Variants in XKR4 observed in about 807,000 individuals in gnomAD.
XKR4 encodes XK-related protein 4.
A neutral mutation model predicts 53.9 loss-of-function variants in XKR4; 12 were observed. The ratio of observed to expected loss-of-function variants is 0.22; its 90% CI spans 0.14 to 0.36. The LOEUF is 0.36. XKR4 is among the 10% of genes least tolerant of loss of function. XKR4 has a pLI of 1.00. For missense variants in XKR4, 799 were observed against 859.5 expected, an observed-to-expected ratio of 0.93 and a Z score of 0.88; for synonymous variants, 354 against 362.4, an observed-to-expected ratio of 0.98 and a Z score of 0.26.
At chr8:55,331,339 T>G (rs1803381826) in intron 1 of XKR4, among the ~76,000 whole-genome samples, 1 of 152,230 alleles carries the variant, frequency 6.6e-6, no homozygotes, top group South Asian at 2.1e-4. Context: ...TTCAGTCCTT[T>G]TAAATTTATT....
At chr8:55,500,802 A>T (rs1409561278) in intron 2 of XKR4, among the ~76,000 whole-genome samples, 2 of 152,210 alleles carry the variant, frequency 1.3e-5, no homozygotes, top group Non-Finnish European at 2.9e-5. Flanking sequence ...CCTATTCCAC[A>T]AATGAGAATG....
chr8:55,293,410 T>TA (rs1819059455), intron 1 of XKR4, among the ~76,000 whole-genome samples: 1 of 152,248 alleles, frequency 6.6e-6, no homozygotes, highest in Non-Finnish European at 1.5e-5. Flanking sequence ...TGCGAAATTA[T>TA]AAATGTTCAG....
At chr8:55,216,613 G>T (rs1817802918) in intron 1 of XKR4, among the ~76,000 whole-genome samples, 1 of 151,906 alleles carries the variant, frequency 6.6e-6, no homozygotes, top group African/African-American at 2.4e-5. Context: ...TGTAATCCCA[G>T]CTACTCGGGA....
chr8:55,351,931 A>T (rs949514548), intron 1 of XKR4, among the ~76,000 whole-genome samples: 2 of 152,212 alleles, frequency 1.3e-5, no homozygotes, highest in African/African-American at 4.8e-5. Context: ...CAAATATTGC[A>T]TGTGTTCAAT....
intron 1 of XKR4, among the ~76,000 whole-genome samples, chr8:55,169,317 A>T (rs1404636907): frequency 6.6e-6 from 1 of 152,238 alleles, no homozygotes; most frequent in Non-Finnish European, 1.5e-5. Context: ...TTGCCACTGA[A>T]CGCTGCAGGG....
At chr8:55,194,946 T>C (rs1186606632) in intron 1 of XKR4, among the ~76,000 whole-genome samples, 1 of 152,194 alleles carries the variant, frequency 6.6e-6, no homozygotes, top group African/African-American at 2.4e-5. Context: ...AAAAATTATA[T>C]TCCATGATAG....
rs181147831 is a variant in XKR4, at chr8:55,480,973, A to C, written c.1007-42308A>C. Among the ~76,000 whole-genome samples the C allele has an allele frequency of 9.1e-3, 1,380 of 152,218 alleles. 25 individuals carry two copies. The highest frequency in any genetic ancestry group is 0.03 in the African/African-American group (1,263 of 41,532). ...CATATCATGAAAATGGACATACTGCACAAGGTAATTTATAGATTCAATGCC... is the reference window on the plus strand; with the variant it reads ...CATATCATGAAAATGGACATACTGCCCAAGGTAATTTATAGATTCAATGCC... On this transcript the variant is annotated intron_variant, in intron 2 of 2. Transcript: ENST00000327381.
At chr8:55,445,842 T>C (rs1389163571) in intron 2 of XKR4, among the ~76,000 whole-genome samples, 1 of 152,208 alleles carries the variant, frequency 6.6e-6, no homozygotes, top group Non-Finnish European at 1.5e-5. Context: ...TCAGGCATTG[T>C]TATTCATGTA....
intron 2 of XKR4, among the ~76,000 whole-genome samples, chr8:55,464,922 C>T (rs1805733817): frequency 6.6e-6 from 1 of 152,102 alleles, no homozygotes; most frequent in Non-Finnish European, 1.5e-5. Flanking sequence ...AGGAATCCAA[C>T]TTACAAGGGA....
chr8:55,353,416 G>A (rs1341565740), intron 1 of XKR4, among the ~76,000 whole-genome samples: 1 of 152,184 alleles, frequency 6.6e-6, no homozygotes, highest in Non-Finnish European at 1.5e-5. Flanking sequence ...TCTACAAGCT[G>A]AGGAATGCCA....
At chr8:55,489,958 C>T (rs1459161786) in intron 2 of XKR4, among the ~76,000 whole-genome samples, 1 of 152,120 alleles carries the variant, frequency 6.6e-6, no homozygotes, top group Non-Finnish European at 1.5e-5. Context: ...TGCCATCATA[C>T]ATTTACATGT....
intron 1 of XKR4, among the ~76,000 whole-genome samples, chr8:55,282,077 G>T (rs1292468763): frequency 6.6e-6 from 1 of 152,140 alleles, no homozygotes; most frequent in East Asian, 1.9e-4. Flanking sequence ...GAGAGATTCT[G>T]GTCCAAAACT....
intron 2 of XKR4, among the ~76,000 whole-genome samples, chr8:55,366,246 A>G (rs1383872904): frequency 6.6e-6 from 1 of 152,220 alleles, no homozygotes; most frequent in African/African-American, 2.4e-5. Flanking sequence ...GGGTCTGCAG[A>G]GTCCCCCCTT....
intron 1 of XKR4, among the ~76,000 whole-genome samples, chr8:55,111,961 G>A (rs1032309329): frequency 2.0e-5 from 3 of 152,138 alleles, no homozygotes; most frequent in Admixed American, 2.0e-4. Flanking sequence ...GTTAAAAATA[G>A]GGGTATGGTG....
intron 1 of XKR4, among the ~76,000 whole-genome samples, chr8:55,236,772 T>G (rs1818133478): frequency 6.6e-6 from 1 of 152,132 alleles, no homozygotes; most frequent in Admixed American, 6.5e-5. Flanking sequence ...CCTGAAATAT[T>G]GCTATTTGTC....
At chr8:55,128,353 A>G (rs886795723) in intron 1 of XKR4, among the ~76,000 whole-genome samples, 1 of 152,212 alleles carries the variant, frequency 6.6e-6, no homozygotes, top group Non-Finnish European at 1.5e-5. Flanking sequence ...GTGCTCTACT[A>G]GAACTTCTGT....
intron 2 of XKR4, among the ~76,000 whole-genome samples, chr8:55,403,810 T>C (rs914594473): frequency 6.6e-6 from 1 of 152,254 alleles, no homozygotes; most frequent in Non-Finnish European, 1.5e-5. Context: ...AACAAACATT[T>C]TGTAAGTAAC....
chr8:55,298,906 A>G (rs1244698891), intron 1 of XKR4, among the ~76,000 whole-genome samples: 2 of 152,206 alleles, frequency 1.3e-5, no homozygotes, highest in African/African-American at 4.8e-5. Flanking sequence ...GTGTATTTCT[A>G]AGGAACAAGG....
chr8:55,242,771 C>T (rs1004517260), intron 1 of XKR4, among the ~76,000 whole-genome samples: 72 of 152,016 alleles, frequency 4.7e-4, no homozygotes, highest in African/African-American at 1.7e-3. Flanking sequence ...TGCAGAGCTA[C>T]GTCTCGGATC....
Sources: allele counts gnomAD v4.1 joint callset (sites outside exome capture counted in the v4.1 genomes callset), GRCh38; gene constraint gnomAD v4.1.1; transcripts MANE v1.5; gene names NCBI Gene and HGNC (gene_info 2026-07-23, HGNC 2026-07-21).